CHFR: variants seen among roughly 807,000 people sequenced by gnomAD.
The protein encoded by CHFR is checkpoint with forkhead and ring finger domains, also known as E3 ubiquitin-protein ligase CHFR.
Under a neutral mutation model 87.6 loss-of-function variants are expected in CHFR, and 57 were observed. That is an observed-to-expected ratio of 0.65 (90% CI 0.53 to 0.81). The LOEUF (loss-of-function observed/expected upper bound fraction) is 0.81. CHFR is among the 30% of genes least tolerant of loss of function. CHFR has a pLI of 0.00. For synonymous variants in CHFR, 381 were observed against 359.2 expected, an observed-to-expected ratio of 1.06 and a Z score of -0.69; for missense variants, 797 against 865.8, an observed-to-expected ratio of 0.92 and a Z score of 1.00.
At chr12:132,885,389 T>A (rs1230906883) in intron 2 of CHFR, among the ~76,000 whole-genome samples, 2 of 150,612 alleles carry the variant, frequency 1.3e-5, no homozygotes, top group Non-Finnish European at 2.9e-5. Context: ...CCAGCCTGGG[T>A]GATAGAGTGA....
At chr12:132,847,786 C>T in intron 14 of CHFR, 2 of 1,278,582 alleles carry the variant, frequency 1.6e-6, no homozygotes, top group African/African-American at 1.5e-5. Flanking sequence ...GAAGCCCTCA[C>T]CGAGAGCTGT....
Position 132,887,208 on chromosome 12 carries a change from CGATGGT to C in CHFR, c.115_120del (p.Thr39_Ile40del). 1 of 1,498,940 alleles carries C rather than the reference CGATGGT, an allele frequency of 6.7e-7. No homozygotes were observed. Among genetic ancestry groups the C allele is most frequent in the South Asian group, 1.2e-5 (1 of 80,884 alleles). 92.9% of individuals were successfully genotyped at this position (1,498,940 alleles called of 1,614,324 possible). On this transcript the variant is annotated inframe_deletion, in exon 2 of 18. Coordinates refer to ENST00000450056, the MANE Select transcript of CHFR (RefSeq NM_001161346.2). ...CTCAGCCCCGCACCTCGTCTCCGCC[CGATGGT>C]CCACTCCCGCTTCCTCAGGAGGACG... is the stretch of plus-strand genomic sequence containing the variant.
intron 6 of CHFR, among the ~76,000 whole-genome samples, chr12:132,864,172 A>G (rs915516908): frequency 5.0e-5 from 7 of 139,550 alleles, no homozygotes; most frequent in East Asian, 2.0e-4. Context: ...AAGTGTTATT[A>G]TTTGAAAAAA....
chr12:132,884,739 G>A (rs929861543), intron 2 of CHFR, among the ~76,000 whole-genome samples: 2 of 152,120 alleles, frequency 1.3e-5, no homozygotes, highest in Non-Finnish European at 2.9e-5. Context: ...CCCTCACCAG[G>A]AACCCAATCT....
rs779956437 is a variant in CHFR at position 132,856,639 on chromosome 12, G to A, written c.1067-9C>T. 1 of 1,613,608 alleles carries A rather than the reference G, an allele frequency of 6.2e-7. No homozygotes were observed. The highest frequency in any genetic ancestry group is 8.5e-7 in the Non-Finnish European group (1 of 1,179,848). On this transcript the variant is annotated splice_polypyrimidine_tract_variant and intron_variant, in intron 9 of 17. Transcript: ENST00000450056. ...TTCACTGCGACTCTTGTCTAGAATT[G>A]AAAGGACACAGCGCCATTCACCGGC...
chr12:132,869,841 C>T, intron 5 of CHFR, 43 bp from the exon 6 acceptor site: 1 of 1,549,366 alleles, frequency 6.5e-7, no homozygotes, highest in Admixed American at 2.0e-5. Flanking sequence ...GCTTCTGTAA[C>T]CCAAAAGGAG....
chr12:132,847,568 C>A, intron 14 of CHFR: 1 of 1,062,662 alleles, frequency 9.4e-7, no homozygotes. Context: ...GCTGAGCGGG[C>A]GCCTGCCAGG....
At chr12:132,871,409 G>A (rs879298271) in intron 4 of CHFR, among the ~76,000 whole-genome samples, 4 of 151,798 alleles carry the variant, frequency 2.6e-5, no homozygotes, top group Non-Finnish European at 5.9e-5. Flanking sequence ...CTGAGATCAC[G>A]CCATTGCACT....
intron 7 of CHFR, among the ~76,000 whole-genome samples, chr12:132,860,062 T>C (rs1231072833): frequency 6.6e-6 from 1 of 152,106 alleles, no homozygotes; most frequent in African/African-American, 2.4e-5. Context: ...AATGTATACA[T>C]AATATATTTA....
intron 2 of CHFR, among the ~76,000 whole-genome samples, chr12:132,878,005 T>C (rs1484979333): frequency 6.6e-6 from 1 of 150,432 alleles, no homozygotes; most frequent in African/African-American, 2.4e-5. Context: ...GGTTTCACCA[T>C]GTTAGCCAGG....
Position 132,839,559 on chromosome 12 carries a change from C to T in CHFR, c.*1995G>A, listed in dbSNP as rs918640529. 4 of 161,956 alleles carry T rather than the reference C, an allele frequency of 2.5e-5. No individual in the cohort carries two copies. Among genetic ancestry groups the T allele is most frequent in the Non-Finnish European group, 5.3e-5 (4 of 75,760 alleles). 10.0% of individuals were successfully genotyped at this position (161,956 alleles called of 1,614,324 possible). ...ACCCCCGCACTAACTCAGGACCTCC[C>T]CTCTTGGCCTCACCCCTGCACAAAT... On this transcript the variant is annotated 3_prime_UTR_variant, in exon 18 of 18. Transcript: ENST00000450056.
At chr12:132,864,187 ACAC>A (rs749534217) in intron 6 of CHFR, among the ~76,000 whole-genome samples, 1 of 151,384 alleles carries the variant, frequency 6.6e-6, no homozygotes, top group Non-Finnish European at 1.5e-5. Flanking sequence ...AAAAAAAAAA[ACAC>A]AAGAAACTGG....
chr12:132,861,943 G>A (rs1566189619), intron 6 of CHFR: 3 of 340,718 alleles, frequency 8.8e-6, no homozygotes, highest in East Asian at 1.1e-4. Flanking sequence ...ACATACCCGT[G>A]GTCATATGAT....
At chr12:132,872,144 G>A (rs750205050) in intron 4 of CHFR, 141 bp downstream of exon 4, 17 of 642,856 alleles carry the variant, frequency 2.6e-5, no homozygotes, top group Non-Finnish European at 4.5e-5. Context: ...TTCACGGCAG[G>A]AACCCATGTG....
intron 15 of CHFR, among the ~76,000 whole-genome samples, chr12:132,844,923 A>G (rs11147107): frequency 0.83 from 125,898 of 151,956 alleles, 54,637 homozygotes; most frequent in Non-Finnish European, 0.98. Context: ...GTGAGCCTCC[A>G]CGCCCGGCCC....
At chr12:132,871,313 G>A (rs781121506) in intron 4 of CHFR, among the ~76,000 whole-genome samples, 78 of 152,258 alleles carry the variant, frequency 5.1e-4, no homozygotes, top group Non-Finnish European at 9.7e-4. Flanking sequence ...TTAGCCGGGT[G>A]TGGTGGTGTG....
chr12:132,869,540 C>A, intron 6 of CHFR, 79 bp downstream of exon 6: 2 of 1,351,848 alleles, frequency 1.5e-6, no homozygotes, highest in South Asian at 1.3e-5. Flanking sequence ...CGCTTATCTG[C>A]CTCTGTAACA....
intron 14 of CHFR, chr12:132,847,373 T>A: frequency 8.4e-7 from 1 of 1,183,586 alleles, no homozygotes; most frequent in Non-Finnish European, 1.1e-6. Context: ...TCTCAAAAGT[T>A]CTGCCAAGAC....
rs557741726 is a variant in CHFR, at chr12:132,832,833, G to A, written c.*8721C>T. 1 of 152,276 alleles carries A rather than the reference G, an allele frequency of 6.6e-6. No homozygotes were observed. The highest frequency in any genetic ancestry group is 6.5e-5 in the Admixed American group (1 of 15,278). The allele number at this position is 152,276 out of a possible 1,614,324, so 9.4% of individuals were successfully genotyped here. A position where few individuals can be genotyped will look rare whatever the true frequency, so the allele number is the denominator to read the frequency against. ...GCGACTGTAGTAAATGTGCAGAGCT[G>A]TGCACCCATCACTCCAACCCAGTTT... On this transcript the variant is annotated 3_prime_UTR_variant, in exon 18 of 18. Transcript: ENST00000450056.
Sources: allele counts gnomAD v4.1 joint callset (sites outside exome capture counted in the v4.1 genomes callset), GRCh38; gene constraint gnomAD v4.1.1; transcripts MANE v1.5; gene names NCBI Gene and HGNC (gene_info 2026-07-23, HGNC 2026-07-21).